Variants in MITF observed in about 807,000 individuals in gnomAD.
MITF encodes the protein microphthalmia-associated transcription factor.
A neutral mutation model predicts 60.5 loss-of-function variants in MITF; 17 were observed. The ratio of observed to expected loss-of-function variants is 0.28; its 90% CI spans 0.19 to 0.42. The LOEUF (loss-of-function observed/expected upper bound fraction) is 0.42, where lower values mean the gene tolerates loss of function less well. Ranked by LOEUF, MITF falls within the 10% of genes least tolerant of loss-of-function variation. The probability of loss-of-function intolerance (pLI) is 1.00; values close to 1 mark genes in which losing one functional copy is unlikely to be tolerated. For synonymous variants in MITF, 260 were observed against 248.5 expected, an observed-to-expected ratio of 1.05 and a Z score of -0.43; for missense variants, 622 against 683.5, an observed-to-expected ratio of 0.91 and a Z score of 1.00.
At chr3:69,907,931 TG>T (rs1449821165) in intron 2 of MITF, among the ~76,000 whole-genome samples, 3 of 152,218 alleles carry the variant, frequency 2.0e-5, no homozygotes, top group Admixed American at 6.5e-5. Context: ...GTGTTACAAA[TG>T]GTTTTTTGAA....
At chr3:69,901,364 A>G (rs567872484) in intron 2 of MITF, among the ~76,000 whole-genome samples, 1 of 152,278 alleles carries the variant, frequency 6.6e-6, no homozygotes, top group Middle Eastern at 3.4e-3. Context: ...TACCTTTTAT[A>G]ACAATTTTTA....
At chr3:69,941,461 TATCTC>T in intron 5 of MITF, 130 bp downstream of exon 5, 1 of 646,206 alleles carries the variant, frequency 1.5e-6, no homozygotes, top group South Asian at 1.8e-5. Flanking sequence ...AATGGAGAAT[TATCTC>T]AGGATCACAA....
chr3:69,763,571 G>C, intron 1 of MITF: 1 of 1,172,174 alleles, frequency 8.5e-7, no homozygotes, highest in Non-Finnish European at 1.1e-6. Flanking sequence ...AGCCTTCCTA[G>C]TGTTGAGAGA....
chr3:69,949,246 T>C, intron 6 of MITF, 78 bp downstream of exon 6: 1 of 1,074,502 alleles, frequency 9.3e-7, no homozygotes, highest in African/African-American at 1.5e-5. Context: ...GATATAGTGA[T>C]GTGCAAACTA....
chr3:69,912,842 C>T (rs889135194), intron 2 of MITF, among the ~76,000 whole-genome samples: 2 of 152,084 alleles, frequency 1.3e-5, no homozygotes, highest in African/African-American at 4.8e-5. Context: ...CTCAAAGACC[C>T]CACACTCCAG....
rs190760711 is a variant in MITF at position 69,773,597 on chromosome 3, G to A, written c.104+33896G>A. Reference sequence around the variant, plus strand: ...TTCCAGGTTTTGATACTGTTACCCTGGATTAGTTGCCTTCCTGTGAGTATT... The same window carrying A: ...TTCCAGGTTTTGATACTGTTACCCTAGATTAGTTGCCTTCCTGTGAGTATT... On this transcript the variant is annotated intron_variant, in intron 1 of 9. Transcript: ENST00000352241. Among the ~76,000 whole-genome samples, 131 of 152,218 alleles carry A rather than the reference G, an allele frequency of 8.6e-4. 1 individual carries two copies. The Middle Eastern group carries it at 0.01, about 12-fold the overall frequency.
At chr3:69,842,693 A>C (rs747715580) in intron 1 of MITF, among the ~76,000 whole-genome samples, 59 of 152,154 alleles carry the variant, frequency 3.9e-4, no homozygotes, top group Non-Finnish European at 7.2e-4. Context: ...GGATATGCTC[A>C]AGTTGTTTAC....
intron 1 of MITF, among the ~76,000 whole-genome samples, chr3:69,842,740 G>A (rs1219811688): frequency 8.9e-6 from 1 of 112,842 alleles, no homozygotes; most frequent in East Asian, 2.0e-4. Context: ...TCAACGTGAT[G>A]GCAGAACTGA....
intron 1 of MITF, among the ~76,000 whole-genome samples, chr3:69,875,037 CTTTAA>C (rs2064322442): frequency 1.3e-5 from 2 of 152,154 alleles, no homozygotes; most frequent in African/African-American, 4.8e-5. Flanking sequence ...GTGCTGAACA[CTTTAA>C]TTTAGTGAAC....
chr3:69,898,909 A>G (rs1249458542), intron 2 of MITF, among the ~76,000 whole-genome samples: 1 of 152,156 alleles, frequency 6.6e-6, no homozygotes, highest in East Asian at 1.9e-4. Flanking sequence ...TGTATTAGGG[A>G]TCTAATGGTG....
chr3:69,762,146 G>C (rs758736874), intron 1 of MITF, among the ~76,000 whole-genome samples: 1 of 152,134 alleles, frequency 6.6e-6, no homozygotes, highest in African/African-American at 2.4e-5. Flanking sequence ...AAGAGCATTA[G>C]TCAGTGCAAA....
At chr3:69,866,159 C>T (rs1386747196) in intron 1 of MITF, 1 of 1,521,104 alleles carries the variant, frequency 6.6e-7, no homozygotes, top group Non-Finnish European at 8.8e-7. Flanking sequence ...ACCGTTCTAG[C>T]ACAGAGCTGT....
In MITF at chr3:69,965,188, T is replaced by G. The variant is rs1318827650; in HGVS notation, c.1521T>G (p.Ala507=). 1 of 1,613,472 alleles carries G rather than the reference T, an allele frequency of 6.2e-7. No homozygotes were observed. The highest frequency in any genetic ancestry group is 1.3e-5 in the African/African-American group (1 of 74,886). Residue 507 remains alanine, a synonymous_variant, in exon 10 of 10, where the codon GCT becomes GCG. Transcript: ENST00000352241. ...DPLLSSVSPG[A]SKTSSRRSSM... ...TCCTTTCCTCAGTGTCCCCCGGAGCTTCCAAAACAAGCAGCCGGAGGAGCA... is the reference window on the plus strand; with the variant it reads ...TCCTTTCCTCAGTGTCCCCCGGAGCGTCCAAAACAAGCAGCCGGAGGAGCA...
chr3:69,752,339 A>G (rs1703968369), intron 1 of MITF: 1 of 152,226 alleles, frequency 6.6e-6, no homozygotes, highest in African/African-American at 2.4e-5. Context: ...AGATGATGGA[A>G]AGTTTGGAAT....
At chr3:69,779,357 G>A (rs2062526296) in intron 1 of MITF, among the ~76,000 whole-genome samples, 1 of 152,146 alleles carries the variant, frequency 6.6e-6, no homozygotes, top group East Asian at 1.9e-4. Context: ...AAACAAGGGT[G>A]GCTATGACAC....
chr3:69,866,239 T>A (rs1029230956), intron 1 of MITF: 1 of 1,608,658 alleles, frequency 6.2e-7, no homozygotes, highest in Admixed American at 1.7e-5. Context: ...CAGAACTAAC[T>A]TTGACTTTCA....
At chr3:69,843,984 A>G (rs1053486056) in intron 1 of MITF, among the ~76,000 whole-genome samples, 5 of 152,110 alleles carry the variant, frequency 3.3e-5, no homozygotes, top group African/African-American at 9.7e-5. Context: ...ACGAGTGATA[A>G]CATGTGGTGT....
intron 1 of MITF, among the ~76,000 whole-genome samples, chr3:69,773,669 A>G (rs1013634655): frequency 5.9e-5 from 9 of 152,180 alleles, no homozygotes; most frequent in African/African-American, 1.9e-4. Flanking sequence ...GCATAGCTGG[A>G]CCACAGATTT....
At chr3:69,929,926 T>G (rs1219400152) in intron 2 of MITF, among the ~76,000 whole-genome samples, 1 of 151,804 alleles carries the variant, frequency 6.6e-6, no homozygotes, top group Non-Finnish European at 1.5e-5. Flanking sequence ...AAGAAAGGAG[T>G]CAAAGATAAC....
Sources: gnomAD v4.1 joint callset for allele counts (sites outside exome capture counted in the v4.1 genomes callset) on GRCh38, gnomAD v4.1.1 for gene constraint, MANE v1.5 for transcripts, NCBI Gene and HGNC (gene_info 2026-07-23, HGNC 2026-07-21) for gene names.